Variants in GRM8 observed in about 807,000 individuals in gnomAD.
GRM8 encodes metabotropic glutamate receptor 8.
GRM8 carries 47 observed loss-of-function variants against 87.2 expected under a neutral mutation model. That is an observed-to-expected ratio of 0.54 (90% CI 0.43 to 0.69). The LOEUF is 0.69. GRM8 is among the 30% of genes least tolerant of loss of function. The pLI, the probability that GRM8 is intolerant of heterozygous loss-of-function variation, is 0.00. For missense variants in GRM8, 1,019 were observed against 1,139.2 expected (o/e 0.89, Z 1.52); for synonymous variants, 396 against 404.5 (o/e 0.98, Z 0.25).
chr7:126,606,532 A>T (rs1798365343), intron 8 of GRM8, among the ~76,000 whole-genome samples: 1 of 152,192 alleles, frequency 6.6e-6, no homozygotes. Flanking sequence ...TAGCTTGCCA[A>T]GCACTCTACT....
chr7:126,813,909 A>G (rs931291737), intron 6 of GRM8, among the ~76,000 whole-genome samples: 3 of 152,112 alleles, frequency 2.0e-5, no homozygotes, highest in African/African-American at 7.2e-5. Flanking sequence ...TCCCTTACTC[A>G]AAAATGACAC....
chr7:126,538,936 T>C (rs1198358335), intron 8 of GRM8, among the ~76,000 whole-genome samples: 3 of 151,948 alleles, frequency 2.0e-5, no homozygotes, highest in African/African-American at 7.2e-5. Context: ...TGTCTCTCTA[T>C]ATATATATTT....
chr7:126,630,227 A>G (rs1046367883), intron 7 of GRM8, among the ~76,000 whole-genome samples: 5 of 152,176 alleles, frequency 3.3e-5, no homozygotes, highest in Admixed American at 1.3e-4. Flanking sequence ...TTAAAATCAT[A>G]GAGTGCTATT....
intron 7 of GRM8, among the ~76,000 whole-genome samples, chr7:126,665,122 G>A (rs943368691): frequency 6.6e-6 from 1 of 152,122 alleles, no homozygotes; most frequent in African/African-American, 2.4e-5. Context: ...ACAGATGTTG[G>A]TAAGGCTGTG....
chr7:126,734,852 C>A (rs1468352156), intron 7 of GRM8, among the ~76,000 whole-genome samples: 1 of 151,998 alleles, frequency 6.6e-6, no homozygotes, highest in Non-Finnish European at 1.5e-5. Context: ...CATCTGCACT[C>A]TGGGAGCAGT....
chr7:126,489,239 T>C (rs1163860727), intron 9 of GRM8, among the ~76,000 whole-genome samples: 4 of 152,066 alleles, frequency 2.6e-5, no homozygotes, highest in African/African-American at 7.2e-5. Flanking sequence ...AAGTTTTTTT[T>C]TGAAACAATG....
intron 9 of GRM8, among the ~76,000 whole-genome samples, chr7:126,470,241 C>A (rs1026275458): frequency 1.3e-5 from 2 of 151,512 alleles, no homozygotes; most frequent in Non-Finnish European, 2.9e-5. Flanking sequence ...GCACAATGTG[C>A]AGGTTAGTTA....
intron 9 of GRM8, among the ~76,000 whole-genome samples, chr7:126,526,155 T>C (rs1176726723): frequency 6.6e-6 from 1 of 152,206 alleles, no homozygotes; most frequent in African/African-American, 2.4e-5. Flanking sequence ...AAGCATCTAC[T>C]GAAGCATAAA....
At chr7:126,747,883 G>T (rs1815883081) in intron 7 of GRM8, among the ~76,000 whole-genome samples, 2 of 151,784 alleles carry the variant, frequency 1.3e-5, no homozygotes, top group South Asian at 2.1e-4. Context: ...TATTATTCCT[G>T]TGTATATTTG....
At position 126,577,368 on chromosome 7, in the gene GRM8, C is replaced by T. The variant is rs1016941918; in HGVS notation, c.1494+31994G>A. ...ATTTAACACTAACTTTAAAAATAATCCATTTAGTAATCCAATACCAAATAG... is the reference window on the plus strand; with the variant it reads ...ATTTAACACTAACTTTAAAAATAATTCATTTAGTAATCCAATACCAAATAG... On this transcript the variant is annotated intron_variant, in intron 8 of 10. Coordinates refer to ENST00000339582, the MANE Select transcript of GRM8 (RefSeq NM_000845.3). 3.3e-5 allele frequency among the ~76,000 whole-genome samples: 5 copies of T among 152,112 alleles called. No homozygotes were observed. The East Asian group carries it at 9.6e-4, about 29-fold the overall frequency.
At chr7:127,041,230 G>T (rs1307829695) in intron 3 of GRM8, among the ~76,000 whole-genome samples, 1 of 152,208 alleles carries the variant, frequency 6.6e-6, no homozygotes, top group African/African-American at 2.4e-5. Context: ...ATAGACAGTG[G>T]ACTGGGATCA....
chr7:126,564,906 G>A (rs1454362737), intron 8 of GRM8, among the ~76,000 whole-genome samples: 1 of 152,150 alleles, frequency 6.6e-6, no homozygotes, highest in Admixed American at 6.6e-5. Context: ...TCCCTGAGTT[G>A]CAAGGATGGC....
chr7:127,173,318 G>C lies in GRM8; in HGVS notation c.511-66606C>G, dbSNP rs1443530336. Among the ~76,000 whole-genome samples, 5 of 152,280 alleles carry C rather than the reference G, an allele frequency of 3.3e-5. No homozygotes were observed. In the East Asian group the frequency reaches 9.7e-4, roughly 29 times the overall value. On this transcript the variant is annotated intron_variant, in intron 2 of 10. Coordinates refer to ENST00000339582, the MANE Select transcript of GRM8 (RefSeq NM_000845.3). ...GAAGGTATCTTTTGATCAAAGACTT[G>C]AATAAGTTGAGAATTAGCCATGTGG...
At position 127,193,424 on chromosome 7, in the gene GRM8, A is replaced by G. The variant is rs540006938; in HGVS notation, c.510+49271T>C. 1.6e-3 allele frequency among the ~76,000 whole-genome samples: 248 copies of G among 152,290 alleles called. 3 individuals carry two copies. Among genetic ancestry groups the G allele is most frequent in the African/African-American group, 5.9e-3 (246 of 41,568 alleles). On this transcript the variant is annotated intron_variant, in intron 2 of 10. Transcript: ENST00000339582. Reference sequence around the variant, plus strand: ...AATTTTCATATCATTTATTTGCTGGATGACCCAATTAGGTCAAAACCTACT... The same window carrying G: ...AATTTTCATATCATTTATTTGCTGGGTGACCCAATTAGGTCAAAACCTACT...
chr7:127,132,246 C>T (rs184530201), intron 2 of GRM8, among the ~76,000 whole-genome samples: 8 of 152,158 alleles, frequency 5.3e-5, no homozygotes, highest in Admixed American at 3.3e-4. Context: ...TCAAAGTTGT[C>T]GGACAAATTT....
chr7:126,928,603 T>G (rs561102726), intron 3 of GRM8, among the ~76,000 whole-genome samples: 125 of 144,538 alleles, frequency 8.6e-4, no homozygotes, highest in African/African-American at 3.1e-3. Flanking sequence ...GCCCAGGAGG[T>G]GGAGGCTGCA....
At chr7:127,056,821 A>G (rs1375702115) in intron 3 of GRM8, among the ~76,000 whole-genome samples, 1 of 152,216 alleles carries the variant, frequency 6.6e-6, no homozygotes, top group Non-Finnish European at 1.5e-5. Flanking sequence ...ACCATTTCAA[A>G]TTCCATCAAA....
chr7:126,850,371 C>T lies in GRM8; in HGVS notation c.1156+52171G>A, dbSNP rs114736457. On this transcript the variant is annotated intron_variant, in intron 6 of 10. Coordinates refer to ENST00000339582, the MANE Select transcript of GRM8 (RefSeq NM_000845.3). Reference sequence around the variant, plus strand: ...GTGCTTCAGGGCCCAGTCCTTAGAGCTCTTATATTGTTTATGTATTTTCTA... The same window carrying T: ...GTGCTTCAGGGCCCAGTCCTTAGAGTTCTTATATTGTTTATGTATTTTCTA... Among the ~76,000 whole-genome samples, 358 of 152,276 alleles carry T rather than the reference C, an allele frequency of 2.4e-3. 1 individual carries two copies. Among genetic ancestry groups the T allele is most frequent in the African/African-American group, 8.1e-3 (336 of 41,558 alleles).
intron 8 of GRM8, among the ~76,000 whole-genome samples, chr7:126,587,212 C>A (rs1391615561): frequency 6.6e-6 from 1 of 152,180 alleles, no homozygotes; most frequent in African/African-American, 2.4e-5. Flanking sequence ...AATAGGAACA[C>A]CTTTACACTG....
Sources: gnomAD v4.1 joint callset for allele counts (sites outside exome capture counted in the v4.1 genomes callset) on GRCh38, gnomAD v4.1.1 for gene constraint, MANE v1.5 for transcripts, NCBI Gene and HGNC (gene_info 2026-07-23, HGNC 2026-07-21) for gene names.